BCAS3: variants seen among roughly 807,000 people sequenced by gnomAD.
BCAS3 encodes BCAS3 microtubule associated cell migration factor.
Under a neutral mutation model 116.1 loss-of-function variants are expected in BCAS3, and 53 were observed. The ratio of observed to expected loss-of-function variants is 0.46; its 90% CI spans 0.37 to 0.57. BCAS3 has a LOEUF of 0.57. Ranked by LOEUF, BCAS3 falls within the 20% of genes least tolerant of loss-of-function variation. The probability of loss-of-function intolerance (pLI) is 0.00; values close to 1 mark genes in which losing one functional copy is unlikely to be tolerated. For missense variants in BCAS3, 917 were observed against 1,165.4 expected (o/e 0.79, Z 3.10); for synonymous variants, 391 against 408.2 (o/e 0.96, Z 0.51).
intron 5 of BCAS3, among the ~76,000 whole-genome samples, chr17:60,712,233 A>C (rs1168692326): frequency 6.6e-6 from 1 of 151,208 alleles, no homozygotes; most frequent in Non-Finnish European, 1.5e-5. Flanking sequence ...AAAATTAACC[A>C]GGCGTAGTGG....
intron 18 of BCAS3, among the ~76,000 whole-genome samples, chr17:61,039,823 T>G (rs1281064008): frequency 2.0e-5 from 3 of 152,248 alleles, no homozygotes; most frequent in Non-Finnish European, 4.4e-5. Flanking sequence ...CTTGGATTTA[T>G]GCTTCCTCTA....
intron 22 of BCAS3, among the ~76,000 whole-genome samples, chr17:61,304,543 C>T (rs914704418): frequency 6.6e-6 from 1 of 152,136 alleles, no homozygotes; most frequent in Non-Finnish European, 1.5e-5. Flanking sequence ...CGTAACGTCA[C>T]CTCATCTGGG....
At position 60,942,551 on chromosome 17, in the gene BCAS3, T is replaced by A. The variant is rs1870128083; in HGVS notation, c.1088-4668T>A. 5.3e-5 allele frequency among the ~76,000 whole-genome samples: 8 copies of A among 152,188 alleles called. No homozygotes were observed. The South Asian group carries it at 1.7e-3, about 31-fold the overall frequency. ...AGACATATAATGAGAGGTAAGGTTA[T>A]ATATATTGTTGTAGGTTTAATAATT... On this transcript the variant is annotated intron_variant, in intron 13 of 23. Coordinates refer to ENST00000407086, the MANE Select transcript of BCAS3 (RefSeq NM_017679.5).
chr17:60,779,372 T>C (rs1270872061), intron 6 of BCAS3, among the ~76,000 whole-genome samples: 1 of 147,378 alleles, frequency 6.8e-6, no homozygotes, highest in African/African-American at 2.5e-5. Flanking sequence ...TTTTCTTTCT[T>C]TTTTTTTTTT....
At chr17:60,793,927 A>G (rs981884314) in intron 6 of BCAS3, among the ~76,000 whole-genome samples, 17 of 152,218 alleles carry the variant, frequency 1.1e-4, no homozygotes, top group Non-Finnish European at 1.5e-5. Context: ...AGATACCCAT[A>G]GTGAGATGCT....
At chr17:61,246,691 C>T (rs1469178936) in intron 22 of BCAS3, among the ~76,000 whole-genome samples, 1 of 151,774 alleles carries the variant, frequency 6.6e-6, no homozygotes, top group East Asian at 1.9e-4. Flanking sequence ...ATTTCCTTTT[C>T]TTTATTAAAA....
intron 16 of BCAS3, among the ~76,000 whole-genome samples, chr17:61,033,706 C>T (rs1432791301): frequency 1.3e-5 from 2 of 152,082 alleles, no homozygotes; most frequent in East Asian, 1.9e-4. Context: ...TACCAGTGCA[C>T]GATGAGGCTA....
chr17:61,046,034 T>TTTATATATATAATATATATA, intron 19 of BCAS3, among the ~76,000 whole-genome samples: 1 of 12,328 alleles, frequency 8.1e-5, no homozygotes, highest in Non-Finnish European at 1.2e-4. Flanking sequence ...TATATATATA[T>TTTATATATATAATATATATA]TTATATATAT....
In BCAS3 at chr17:60,990,435, A is replaced by G. The variant is rs1384025904; in HGVS notation, c.1486+200A>G. On this transcript the variant is annotated intron_variant, in intron 15 of 23. Coordinates refer to ENST00000407086, the MANE Select transcript of BCAS3 (RefSeq NM_017679.5). The surrounding 1 kb of genome is among the most constrained non-coding windows in gnomAD (Gnocchi z 5.1). ...TGGTGATCTTTACCATGCTATTTTA[A>G]CTCCCTGTTTCAATATATAAGGGAT... is the stretch of plus-strand genomic sequence containing the variant. Among the ~76,000 whole-genome samples, 1 of 152,090 alleles carries G rather than the reference A, an allele frequency of 6.6e-6. No homozygotes were observed. The highest frequency in any genetic ancestry group is 1.5e-5 in the Non-Finnish European group (1 of 68,024).
At chr17:60,748,979 AGTAGAAC>A (rs1487328079) in intron 6 of BCAS3, 2 of 152,214 alleles carry the variant, frequency 1.3e-5, no homozygotes, top group Admixed American at 6.5e-5. Flanking sequence ...GGGGGGAAAA[AGTAGAAC>A]AAGGAGTTCC....
chr17:60,764,299 T>C (rs759673603), intron 6 of BCAS3, among the ~76,000 whole-genome samples: 1 of 152,178 alleles, frequency 6.6e-6, no homozygotes, highest in East Asian at 1.9e-4. Flanking sequence ...GGGTGTCAGT[T>C]TTAGATCTTT....
chr17:61,125,878 G>A (rs1022131429), intron 22 of BCAS3, among the ~76,000 whole-genome samples: 1 of 152,276 alleles, frequency 6.6e-6, no homozygotes, highest in Admixed American at 6.5e-5. Flanking sequence ...AAATGCTGAA[G>A]ATAGGCTTTT....
At chr17:61,159,399 A>G (rs1373283675) in intron 22 of BCAS3, 1 of 152,174 alleles carries the variant, frequency 6.6e-6, no homozygotes, top group Non-Finnish European at 1.5e-5. Flanking sequence ...TTGTGAGATG[A>G]TTTCAGGTGA....
In BCAS3 at chr17:61,365,459, G is replaced by T. The variant is rs193077106; in HGVS notation, c.2426-2868G>T. On this transcript the variant is annotated intron_variant, in intron 22 of 23. Transcript: ENST00000407086. The surrounding 1 kb of genome is among the most constrained non-coding windows in gnomAD (Gnocchi z 4.6). ...AATGATTCTCCTGCCTCAGCCTCTCGAGTAGCTGGGATTGCAGGTGCCCGC... is the reference window on the plus strand; with the variant it reads ...AATGATTCTCCTGCCTCAGCCTCTCTAGTAGCTGGGATTGCAGGTGCCCGC... Among the ~76,000 whole-genome samples, 1 of 152,140 alleles carries T rather than the reference G, an allele frequency of 6.6e-6. No individual in the cohort carries two copies. Among genetic ancestry groups the T allele is most frequent in the Non-Finnish European group, 1.5e-5 (1 of 67,992 alleles).
At chr17:61,359,518 G>A (rs1371901145) in intron 22 of BCAS3, among the ~76,000 whole-genome samples, 3 of 144,366 alleles carry the variant, frequency 2.1e-5, no homozygotes, top group South Asian at 2.2e-4. Context: ...TTTTTGAGAC[G>A]GACTCTCTCT....
intron 13 of BCAS3, among the ~76,000 whole-genome samples, chr17:60,942,322 G>A (rs1471007917): frequency 6.6e-6 from 1 of 152,128 alleles, no homozygotes; most frequent in African/African-American, 2.4e-5. Flanking sequence ...AGCTACTCGG[G>A]AGGCTGTGGC....
chr17:60,855,221 T>G (rs376557800), intron 7 of BCAS3, among the ~76,000 whole-genome samples: 6 of 151,594 alleles, frequency 4.0e-5, no homozygotes, highest in African/African-American at 1.5e-4. Flanking sequence ...ATGCTGGGAT[T>G]TCAGGTGTGA....
chr17:60,884,101 A>G (rs1301583953), intron 9 of BCAS3, among the ~76,000 whole-genome samples: 38 of 6,342 alleles, frequency 6.0e-3, no homozygotes, highest in African/African-American at 0.018. Context: ...TAAACTATTG[A>G]TTATTGCCAC....
chr17:60,978,725 A>G (rs2062591540), intron 14 of BCAS3, among the ~76,000 whole-genome samples: 1 of 151,854 alleles, frequency 6.6e-6, no homozygotes, highest in South Asian at 2.1e-4. Context: ...ACATATGGCT[A>G]GCCAGTTTTC....
Sources: gnomAD v4.1 joint callset for allele counts (sites outside exome capture counted in the v4.1 genomes callset) on GRCh38, gnomAD v4.1.1 for gene constraint, Gnocchi (gnomAD v3.1) non-coding constraint, MANE v1.5 for transcripts, NCBI Gene and HGNC (gene_info 2026-07-23, HGNC 2026-07-21) for gene names.